Variants in SH3D19 observed in about 807,000 individuals in gnomAD.
The protein encoded by SH3D19 is SH3 domain-containing protein 19.
Under a neutral mutation model 112.1 loss-of-function variants are expected in SH3D19, and 58 were observed. The observed-to-expected ratio is 0.52, with a 90% CI of 0.42 to 0.64. SH3D19 has a LOEUF of 0.64. Ranked by LOEUF, SH3D19 falls within the 30% of genes least tolerant of loss-of-function variation. SH3D19 has a pLI of 0.00. For synonymous variants in SH3D19, 391 were observed against 448.5 expected, an observed-to-expected ratio of 0.87 and a Z score of 1.62; for missense variants, 1,090 against 1,263.4, an observed-to-expected ratio of 0.86 and a Z score of 2.08.
At chr4:151,235,921 A>C (rs556588454) in intron 1 of SH3D19, among the ~76,000 whole-genome samples, 2 of 152,348 alleles carry the variant, frequency 1.3e-5, no homozygotes, top group South Asian at 4.1e-4. Flanking sequence ...GCTTAGTCTT[A>C]GTCATCTCCG....
intron 3 of SH3D19, among the ~76,000 whole-genome samples, chr4:151,181,374 G>C (rs116571635): frequency 2.0e-5 from 3 of 152,132 alleles, no homozygotes; most frequent in Non-Finnish European, 4.4e-5. Flanking sequence ...GATTGGAGCC[G>C]TAACAGGTGA....
intron 1 of SH3D19, among the ~76,000 whole-genome samples, chr4:151,238,585 G>C (rs1227120389): frequency 2.0e-5 from 3 of 151,966 alleles, no homozygotes; most frequent in Non-Finnish European, 2.9e-5. Flanking sequence ...GTAACCAAAA[G>C]ACTCCTTCAC....
intron 19 of SH3D19, among the ~76,000 whole-genome samples, chr4:151,123,690 T>C (rs543673014): frequency 3.9e-5 from 6 of 152,224 alleles, no homozygotes; most frequent in Non-Finnish European, 8.8e-5. Context: ...GTCTTATTCA[T>C]GTGCAAATTA....
chr4:151,282,315 C>G (rs1774325235), intron 1 of SH3D19: 2 of 1,613,990 alleles, frequency 1.2e-6, no homozygotes, highest in African/African-American at 1.3e-5. Context: ...ACCTTCACTT[C>G]TGCCATCCTG....
chr4:151,248,378 A>C (rs1184559117), intron 1 of SH3D19, among the ~76,000 whole-genome samples: 1 of 152,202 alleles, frequency 6.6e-6, no homozygotes, highest in Non-Finnish European at 1.5e-5. Flanking sequence ...CTTAGAATTA[A>C]GCACAGCTGA....
chr4:151,165,803 A>C (rs1316789410), intron 7 of SH3D19, 107 bp from the exon 8 acceptor site: 1 of 864,260 alleles, frequency 1.2e-6, no homozygotes, highest in Non-Finnish European at 1.8e-6. Flanking sequence ...TGGGGAAACT[A>C]TTCATGGATA....
intron 8 of SH3D19, among the ~76,000 whole-genome samples, chr4:151,164,324 C>T (rs2149805170): frequency 6.6e-6 from 1 of 152,288 alleles, no homozygotes; most frequent in East Asian, 1.9e-4. Context: ...TCACTCCAAG[C>T]AGTGCCATGA....
intron 1 of SH3D19, among the ~76,000 whole-genome samples, chr4:151,277,779 G>A (rs1376613754): frequency 6.6e-6 from 1 of 152,180 alleles, no homozygotes; most frequent in Non-Finnish European, 1.5e-5. Context: ...AGCAGCTCAC[G>A]CCTGTAATCC....
intron 1 of SH3D19, among the ~76,000 whole-genome samples, chr4:151,320,905 T>C (rs971198431): frequency 1.3e-5 from 2 of 151,952 alleles, no homozygotes; most frequent in Admixed American, 1.3e-4. Flanking sequence ...CTGGGCATGG[T>C]GGCATGCACC....
chr4:151,275,273 G>A (rs546776889), intron 1 of SH3D19, among the ~76,000 whole-genome samples: 2 of 152,066 alleles, frequency 1.3e-5, no homozygotes, highest in South Asian at 2.1e-4. Flanking sequence ...TTTTTTAGTA[G>A]AGACGGGTTT....
chr4:151,246,999 G>A (rs1217118792), intron 1 of SH3D19, among the ~76,000 whole-genome samples: 2 of 152,200 alleles, frequency 1.3e-5, no homozygotes, highest in African/African-American at 4.8e-5. Context: ...CGGTGCTGGG[G>A]TTCCAAACCA....
intron 1 of SH3D19, among the ~76,000 whole-genome samples, chr4:151,245,264 CTTAA>C (rs1770857643): frequency 6.6e-6 from 1 of 152,046 alleles, no homozygotes; most frequent in Admixed American, 6.6e-5. Flanking sequence ...TTGTTCAAGT[CTTAA>C]TTAAGTAGTG....
chr4:151,302,865 T>C (rs1049991273), intron 1 of SH3D19, among the ~76,000 whole-genome samples: 15 of 148,794 alleles, frequency 1.0e-4, no homozygotes, highest in African/African-American at 3.7e-4. Flanking sequence ...CCGGGGCCTG[T>C]CGTGGGGTGG....
intron 2 of SH3D19, among the ~76,000 whole-genome samples, chr4:151,204,696 A>G (rs1235821095): frequency 1.3e-5 from 2 of 152,244 alleles, no homozygotes; most frequent in East Asian, 3.8e-4. Context: ...TACATAAACT[A>G]AAGTTGTTGT....
chr4:151,164,291 T>C (rs1425899309), intron 8 of SH3D19, among the ~76,000 whole-genome samples: 1 of 152,178 alleles, frequency 6.6e-6, no homozygotes, highest in African/African-American at 2.4e-5. Flanking sequence ...TGAAATCAGA[T>C]GCCCGCAGAG....
At chr4:151,178,252 G>C (rs996670884) in intron 4 of SH3D19, among the ~76,000 whole-genome samples, 1 of 152,180 alleles carries the variant, frequency 6.6e-6, no homozygotes, top group African/African-American at 2.4e-5. Flanking sequence ...GCAACTGTGT[G>C]ACCCTGAACA....
At chr4:151,126,686 C>G (rs1749416753) in intron 19 of SH3D19, among the ~76,000 whole-genome samples, 1 of 125,516 alleles carries the variant, frequency 8.0e-6, no homozygotes, top group Non-Finnish European at 1.7e-5. Flanking sequence ...GTAGTCCCAG[C>G]TACTCGGGAG....
chr4:151,242,797 G>A (rs1770663088), intron 1 of SH3D19, among the ~76,000 whole-genome samples: 1 of 152,034 alleles, frequency 6.6e-6, no homozygotes, highest in Non-Finnish European at 1.5e-5. Context: ...TAATAGAGGG[G>A]TTATATTTAA....
intron 1 of SH3D19, 59 bp downstream of exon 1, chr4:151,325,182 G>T: frequency 1.0e-6 from 1 of 982,116 alleles, no homozygotes; most frequent in Non-Finnish European, 1.3e-6. Flanking sequence ...GGCAGGACCC[G>T]AGCGGCCCCA....
Sources: allele counts gnomAD v4.1 joint callset (sites outside exome capture counted in the v4.1 genomes callset), GRCh38; gene constraint gnomAD v4.1.1; transcripts MANE v1.5; gene names NCBI Gene and HGNC (gene_info 2026-07-23, HGNC 2026-07-21).